FAM184B: variants seen among roughly 807,000 people sequenced by gnomAD.
FAM184B encodes protein FAM184B.
FAM184B carries 111 observed loss-of-function variants against 135.9 expected under a neutral mutation model. The observed-to-expected ratio is 0.82, with a 90% CI of 0.70 to 0.96. FAM184B has a LOEUF of 0.96. Among genes scored for constraint, FAM184B ranks in the 40% least tolerant of loss-of-function variants. FAM184B has a pLI of 0.00. For missense variants in FAM184B, 1,375 were observed against 1,323.9 expected (o/e 1.04, Z -0.60); for synonymous variants, 552 against 524.8 (o/e 1.05, Z -0.71).
At chr4:17,643,653 C>T (rs1173048392) in intron 12 of FAM184B, among the ~76,000 whole-genome samples, 2 of 152,194 alleles carry the variant, frequency 1.3e-5, no homozygotes, top group East Asian at 3.8e-4. Context: ...CTGGGCTAAC[C>T]TGTGATTCAT....
chr4:17,658,462 T>C lies in FAM184B; in HGVS notation c.1925A>G (p.Gln642Arg). Residue 642 changes from glutamine to arginine, a missense_variant, in exon 10 of 18, where the codon CAG (glutamine) becomes CGG (arginine). Gln to Arg is a conservative substitution (Grantham distance 43). Coordinates refer to ENST00000265018, the MANE Select transcript of FAM184B (RefSeq NM_015688.2). ...QLSDLEREKL[Q>R]RELQETTQQN... ...CTGAGTGGTCTCCTGGAGCTCACGC[T>C]GCAGCTTCTCCCTCTCCAGGTCCGA... is the stretch of plus-strand genomic sequence containing the variant. The C allele has an allele frequency of 6.4e-7, 1 of 1,551,564 alleles. No individual in the cohort carries two copies. The highest frequency in any genetic ancestry group is 1.2e-5 in the South Asian group (1 of 84,050).
In FAM184B at chr4:17,684,882, G is replaced by A. The variant is rs368536727; in HGVS notation, c.1596+3542C>T. Among the ~76,000 whole-genome samples the A allele has an allele frequency of 3.9e-5, 6 of 152,144 alleles. No individual in the cohort carries two copies. In the East Asian group the frequency reaches 5.8e-4, roughly 15 times the overall value. ...GCAGCCATAAAAAGGAATGAGATAT[G>A]TCCTTTGCAGGGACATGGATGAAGC... is the stretch of plus-strand genomic sequence containing the variant. On this transcript the variant is annotated intron_variant, in intron 7 of 17. Coordinates refer to ENST00000265018, the MANE Select transcript of FAM184B (RefSeq NM_015688.2).
At chr4:17,730,118 G>C (rs926011508) in intron 1 of FAM184B, among the ~76,000 whole-genome samples, 1 of 152,224 alleles carries the variant, frequency 6.6e-6, no homozygotes, top group Admixed American at 6.5e-5. Flanking sequence ...CTTGAAGAAT[G>C]CAGAAGCCCC....
chr4:17,717,522 A>T (rs1344193271), intron 1 of FAM184B, among the ~76,000 whole-genome samples: 1 of 151,968 alleles, frequency 6.6e-6, no homozygotes, highest in Non-Finnish European at 1.5e-5. Flanking sequence ...CCCACCTCCT[A>T]TGGGGGAGGC....
Position 17,630,046 on chromosome 4 carries a change from C to A in FAM184B, c.*2486G>T, listed in dbSNP as rs1276007043. 1.3e-5 allele frequency: 2 copies of A among 152,164 alleles called. No individual in the cohort carries two copies. The highest frequency in any genetic ancestry group is 2.9e-5 in the Non-Finnish European group (2 of 68,020). The allele number at this position is 152,164 out of a possible 1,614,324, so 9.4% of individuals were successfully genotyped here. A position where few individuals can be genotyped will look rare whatever the true frequency, so the allele number is the denominator to read the frequency against. On this transcript the variant is annotated 3_prime_UTR_variant, in exon 18 of 18. Transcript: ENST00000265018. ...ATTTAGAAATTTAAGACTGAAAGAT[C>A]TTTTCAGTCACCTGCAGCAAGAAAG...
rs71167333 is a variant in FAM184B at position 17,747,920 on chromosome 4, CAA to C, written c.141+33237_141+33238del. On this transcript the variant is annotated intron_variant, in intron 1 of 17. Transcript: ENST00000265018. Reference sequence around the variant, plus strand: ...TGGGCGACAGAGCGAGACTCTGTCTCAAAAAAAAAAAAAAAAAAAAAAAAAAA... The same window carrying C: ...TGGGCGACAGAGCGAGACTCTGTCTCAAAAAAAAAAAAAAAAAAAAAAAAA... 7.9e-3 allele frequency among the ~76,000 whole-genome samples: 171 copies of C among 21,696 alleles called. 1 individual carries two copies. The highest frequency in any genetic ancestry group is 0.031 in the African/African-American group (159 of 5,162). The allele number at this position is 21,696 out of a possible 152,430, so 14.2% of individuals were successfully genotyped here.
At chr4:17,700,285 C>T (rs536522003) in intron 5 of FAM184B, among the ~76,000 whole-genome samples, 1 of 152,168 alleles carries the variant, frequency 6.6e-6, no homozygotes, top group South Asian at 2.1e-4. Flanking sequence ...CACAAAAGCA[C>T]TTTTAATAGA....
chr4:17,688,412 G>C lies in FAM184B; in HGVS notation c.1596+12C>G. 6.5e-7 allele frequency: 1 copy of C among 1,535,148 alleles called. No individual in the cohort carries two copies. Among genetic ancestry groups the C allele is most frequent in the Non-Finnish European group, 8.8e-7 (1 of 1,134,992 alleles). ...AATATCTTTAATTAAATCTGACAAAGCTGGAGGTTACCTGGGTCTCCAGAA... is the reference window on the plus strand; with the variant it reads ...AATATCTTTAATTAAATCTGACAAACCTGGAGGTTACCTGGGTCTCCAGAA... On this transcript the variant is annotated intron_variant, in intron 7 of 17. Coordinates refer to ENST00000265018, the MANE Select transcript of FAM184B (RefSeq NM_015688.2).
At chr4:17,644,706 C>G (rs1390869297) in intron 12 of FAM184B, among the ~76,000 whole-genome samples, 1 of 152,184 alleles carries the variant, frequency 6.6e-6, no homozygotes. Context: ...CTCACCACTC[C>G]TATTCAACAT....
chr4:17,661,300 C>T (rs1442009822), intron 8 of FAM184B, among the ~76,000 whole-genome samples: 1 of 152,172 alleles, frequency 6.6e-6, no homozygotes, highest in African/African-American at 2.4e-5. Context: ...CCTGTAATCC[C>T]AGCACTTTGG....
intron 11 of FAM184B, among the ~76,000 whole-genome samples, chr4:17,651,282 A>C (rs1043180854): frequency 6.6e-6 from 1 of 152,136 alleles, no homozygotes; most frequent in African/African-American, 2.4e-5. Flanking sequence ...TCACGCCTGT[A>C]ATCCCAGCAC....
At chr4:17,742,168 A>ATATATATATATATATTT (rs1459958150) in intron 1 of FAM184B, among the ~76,000 whole-genome samples, 1 of 109,310 alleles carries the variant, frequency 9.1e-6, no homozygotes, top group African/African-American at 4.8e-5. Flanking sequence ...ATATATATAT[A>ATATATATATATATATTT]TTTTTTTTTT....
At chr4:17,648,306 G>A (rs1320368708) in intron 11 of FAM184B, among the ~76,000 whole-genome samples, 1 of 151,986 alleles carries the variant, frequency 6.6e-6, no homozygotes, top group Non-Finnish European at 1.5e-5. Flanking sequence ...CTCTTCTGGG[G>A]GCGATGGTCT....
At chr4:17,661,305 C>T (rs912757800) in intron 8 of FAM184B, among the ~76,000 whole-genome samples, 8 of 152,206 alleles carry the variant, frequency 5.3e-5, no homozygotes, top group East Asian at 1.9e-4. Context: ...AATCCCAGCA[C>T]TTTGGGAGGC....
intron 1 of FAM184B, among the ~76,000 whole-genome samples, chr4:17,734,568 A>C: frequency 6.6e-6 from 1 of 152,158 alleles, no homozygotes; most frequent in Non-Finnish European, 1.5e-5. Context: ...CAGCCAAAAA[A>C]CACATGCAAA....
intron 1 of FAM184B, among the ~76,000 whole-genome samples, chr4:17,732,335 C>A (rs1717801025): frequency 6.6e-6 from 1 of 152,126 alleles, no homozygotes; most frequent in Non-Finnish European, 1.5e-5. Context: ...TAACTAAAAT[C>A]AGAGCAGAAC....
intron 7 of FAM184B, among the ~76,000 whole-genome samples, chr4:17,679,325 C>T (rs971549569): frequency 1.3e-5 from 2 of 151,644 alleles, no homozygotes; most frequent in Non-Finnish European, 3.0e-5. Flanking sequence ...CTCACATCAG[C>T]AAGATAAAAC....
chr4:17,728,954 C>T (rs1441080743), intron 1 of FAM184B, among the ~76,000 whole-genome samples: 1 of 152,162 alleles, frequency 6.6e-6, no homozygotes, highest in African/African-American at 2.4e-5. Context: ...CGAGGCATTG[C>T]CTCACTCGGG....
chr4:17,774,225 G>A (rs888070860), intron 1 of FAM184B, among the ~76,000 whole-genome samples: 6 of 152,098 alleles, frequency 3.9e-5, no homozygotes, highest in East Asian at 1.9e-4. Flanking sequence ...AAAAAAAGCC[G>A]GACGTGGCAG....
Sources: allele counts gnomAD v4.1 joint callset (sites outside exome capture counted in the v4.1 genomes callset), GRCh38; gene constraint gnomAD v4.1.1; transcripts MANE v1.5; gene names NCBI Gene and HGNC (gene_info 2026-07-23, HGNC 2026-07-21).